The following KCNJ3 variants were observed in gnomAD, a reference collection of about 807,000 sequenced individuals.
KCNJ3 encodes the protein potassium inwardly rectifying channel subfamily J member 3.
In KCNJ3, 4 loss-of-function variants were observed where a neutral mutation model predicts 39.2. The ratio of observed to expected loss-of-function variants is 0.10; its 90% CI spans 0.05 to 0.23. The LOEUF (loss-of-function observed/expected upper bound fraction) is 0.23, where lower values mean the gene tolerates loss of function less well. KCNJ3 is among the 10% of genes least tolerant of loss of function. The pLI, the probability that KCNJ3 is intolerant of heterozygous loss-of-function variation, is 1.00. For missense variants in KCNJ3, 276 were observed against 634.9 expected (o/e 0.43, Z 6.08); for synonymous variants, 230 against 237.4 (o/e 0.97, Z 0.29).
At chr2:154,766,356 T>C (rs922760691) in intron 2 of KCNJ3, among the ~76,000 whole-genome samples, 5 of 152,154 alleles carry the variant, frequency 3.3e-5, no homozygotes, top group East Asian at 1.9e-4. Flanking sequence ...TGATATATCA[T>C]TGTGACCTGT....
chr2:154,724,243 GTGT>G (rs1231099002), intron 2 of KCNJ3, among the ~76,000 whole-genome samples: 17 of 151,888 alleles, frequency 1.1e-4, no homozygotes, highest in African/African-American at 3.4e-4. Flanking sequence ...AGATTACACA[GTGT>G]TGTTGTGGGT....
intron 2 of KCNJ3, among the ~76,000 whole-genome samples, chr2:154,836,240 A>T (rs1183164937): frequency 1.1e-5 from 1 of 91,934 alleles, no homozygotes; most frequent in Non-Finnish European, 2.5e-5. Context: ...AAAAAAAAAA[A>T]CAAAAAAAAA....
chr2:154,726,629 G>A (rs530956761), intron 2 of KCNJ3, among the ~76,000 whole-genome samples: 2 of 152,026 alleles, frequency 1.3e-5, no homozygotes, highest in South Asian at 2.1e-4. Context: ...CAGAGGAAAC[G>A]AAGTCATTAT....
At chr2:154,772,457 G>A (rs1463956287) in intron 2 of KCNJ3, among the ~76,000 whole-genome samples, 1 of 151,976 alleles carries the variant, frequency 6.6e-6, no homozygotes, top group Admixed American at 6.6e-5. Flanking sequence ...ATCCTAATGT[G>A]TTTTCGTGGG....
At chr2:154,791,457 A>T (rs1686632626) in intron 2 of KCNJ3, among the ~76,000 whole-genome samples, 1 of 151,984 alleles carries the variant, frequency 6.6e-6, no homozygotes, top group Non-Finnish European at 1.5e-5. Flanking sequence ...TTATTATTTG[A>T]AGAATGTGCA....
chr2:154,826,200 G>A (rs1220218185), intron 2 of KCNJ3, among the ~76,000 whole-genome samples: 3 of 152,004 alleles, frequency 2.0e-5, no homozygotes, highest in Admixed American at 6.6e-5. Flanking sequence ...GTTTATTGAG[G>A]GCCAGCTATG....
chr2:154,842,576 A>C (rs1209632075), intron 2 of KCNJ3, among the ~76,000 whole-genome samples: 1 of 152,122 alleles, frequency 6.6e-6, no homozygotes, highest in African/African-American at 2.4e-5. Context: ...TGGGAATCTA[A>C]GTCTCTTTTT....
intron 2 of KCNJ3, among the ~76,000 whole-genome samples, chr2:154,841,412 G>A (rs550541958): frequency 6.6e-6 from 1 of 152,240 alleles, no homozygotes; most frequent in Non-Finnish European, 1.5e-5. Context: ...TTGTGTCTCT[G>A]GCAGGCTTTG....
intron 2 of KCNJ3, among the ~76,000 whole-genome samples, chr2:154,777,307 G>C (rs1254408327): frequency 6.6e-6 from 1 of 152,136 alleles, no homozygotes; most frequent in Non-Finnish European, 1.5e-5. Context: ...GTGGTGGTTG[G>C]TGTGTTCGTG....
intron 1 of KCNJ3, among the ~76,000 whole-genome samples, chr2:154,706,069 T>C (rs1208980428): frequency 6.6e-6 from 1 of 152,168 alleles, no homozygotes; most frequent in East Asian, 1.9e-4. Flanking sequence ...ATAATTTTCT[T>C]ATAAACTAAA....
intron 2 of KCNJ3, among the ~76,000 whole-genome samples, chr2:154,831,056 G>A (rs188943055): frequency 2.8e-4 from 43 of 152,108 alleles, no homozygotes; most frequent in African/African-American, 9.6e-4. Context: ...TCACTTGTTT[G>A]GCCATTGTCT....
chr2:154,829,923 T>C (rs192745994), intron 2 of KCNJ3, among the ~76,000 whole-genome samples: 308 of 152,262 alleles, frequency 2.0e-3, no homozygotes, highest in Non-Finnish European at 2.6e-3. Flanking sequence ...TGGTGACAGA[T>C]ATATCTTCTT....
intron 2 of KCNJ3, among the ~76,000 whole-genome samples, chr2:154,796,765 T>C (rs1259199413): frequency 6.6e-6 from 1 of 152,198 alleles, no homozygotes; most frequent in African/African-American, 2.4e-5. Context: ...TATTGCAATT[T>C]ATTAATTTAA....
chr2:154,798,369 A>G (rs1246526536), intron 2 of KCNJ3, among the ~76,000 whole-genome samples: 1 of 152,170 alleles, frequency 6.6e-6, no homozygotes, highest in Non-Finnish European at 1.5e-5. Flanking sequence ...ATTGAGTGCA[A>G]TCTCAATCAA....
chr2:154,729,179 T>G (rs1234053282), intron 2 of KCNJ3, among the ~76,000 whole-genome samples: 1 of 152,190 alleles, frequency 6.6e-6, no homozygotes, highest in African/African-American at 2.4e-5. Context: ...AAATGAAGTC[T>G]TCTTCAGTTT....
At chr2:154,808,091 T>C (rs1686945682) in intron 2 of KCNJ3, among the ~76,000 whole-genome samples, 1 of 151,444 alleles carries the variant, frequency 6.6e-6, no homozygotes, top group African/African-American at 2.4e-5. Context: ...AATTTTTTTT[T>C]TTTTTTTGAG....
At chr2:154,844,486 T>G (rs985699631) in intron 2 of KCNJ3, among the ~76,000 whole-genome samples, 1 of 152,230 alleles carries the variant, frequency 6.6e-6, no homozygotes, top group African/African-American at 2.4e-5. Flanking sequence ...TTCAGAGCTG[T>G]CAGACAGGGA....
chr2:154,755,865 TTACTTAA>T (rs1262281100), intron 2 of KCNJ3, among the ~76,000 whole-genome samples: 1 of 152,102 alleles, frequency 6.6e-6, no homozygotes, highest in Non-Finnish European at 1.5e-5. Context: ...TCTGATATTG[TTACTTAA>T]TACAAGTTTC....
intron 2 of KCNJ3, among the ~76,000 whole-genome samples, chr2:154,731,725 G>C (rs1285027994): frequency 6.6e-6 from 1 of 151,032 alleles, no homozygotes; most frequent in Admixed American, 6.6e-5. Context: ...AAAAAAAAGA[G>C]AGACACAGTT....
Sources: allele counts gnomAD v4.1 joint callset (sites outside exome capture counted in the v4.1 genomes callset), GRCh38; gene constraint gnomAD v4.1.1; transcripts MANE v1.5; gene names NCBI Gene and HGNC (gene_info 2026-07-23, HGNC 2026-07-21).